The following COL15A1 variants were observed in gnomAD, a reference collection of about 807,000 sequenced individuals.
COL15A1 encodes collagen alpha-1(XV) chain.
Under a neutral mutation model 165.9 loss-of-function variants are expected in COL15A1, and 111 were observed. The ratio of observed to expected loss-of-function variants is 0.67; its 90% confidence interval spans 0.57 to 0.78. The LOEUF (loss-of-function observed/expected upper bound fraction) is 0.78. COL15A1 is among the 30% of genes least tolerant of loss of function. The pLI, the probability that COL15A1 is intolerant of heterozygous loss-of-function variation, is 0.00. For missense variants in COL15A1, 1,745 were observed against 1,789.7 expected (o/e 0.98, Z 0.45); for synonymous variants, 659 against 674.8 (o/e 0.98, Z 0.36).
intron 2 of COL15A1, among the ~76,000 whole-genome samples, chr9:98,974,972 C>T (rs548184245): frequency 6.6e-6 from 1 of 150,646 alleles, no homozygotes; most frequent in East Asian, 1.9e-4. Flanking sequence ...CTCAGACCTG[C>T]TCTCTTGGGT....
At chr9:98,950,409 T>C (rs1357251204) in intron 2 of COL15A1, among the ~76,000 whole-genome samples, 2 of 152,198 alleles carry the variant, frequency 1.3e-5, no homozygotes, top group Non-Finnish European at 2.9e-5. Flanking sequence ...ATTGTGGTTT[T>C]TATTTGCAAT....
intron 6 of COL15A1, among the ~76,000 whole-genome samples, chr9:98,998,962 A>G (rs1838597666): frequency 6.6e-6 from 1 of 152,192 alleles, no homozygotes; most frequent in African/African-American, 2.4e-5. Context: ...CACCATCGTG[A>G]CCCGTGGAAG....
chr9:98,966,785 A>T (rs550046872), intron 2 of COL15A1, among the ~76,000 whole-genome samples: 1 of 152,348 alleles, frequency 6.6e-6, no homozygotes, highest in South Asian at 2.1e-4. Flanking sequence ...CTGTGTGGTT[A>T]TTAATATTAT....
At chr9:99,012,537 G>A (rs967344263) in intron 9 of COL15A1, among the ~76,000 whole-genome samples, 3 of 152,112 alleles carry the variant, frequency 2.0e-5, no homozygotes, top group Non-Finnish European at 2.9e-5. Flanking sequence ...GTTGCAGATC[G>A]ACTTTTGGGC....
In COL15A1 at chr9:99,005,793, G is replaced by A. The variant is rs143821636; in HGVS notation, c.1353+743G>A. Among the ~76,000 whole-genome samples the A allele has an allele frequency of 2.0e-3, 310 of 152,144 alleles. 1 individual carries two copies. Among genetic ancestry groups the A allele is most frequent in the Middle Eastern group, 3.4e-3 (1 of 294 alleles). The stretch of plus-strand genomic sequence containing the variant: ...GCTGAGCCTGCCGTGTCCCCAGCCC[G>A]GGCAATTGCTAAGAGCCCTGTCTGG... On this transcript the variant is annotated intron_variant, in intron 9 of 41. Transcript: ENST00000375001.
intron 2 of COL15A1, among the ~76,000 whole-genome samples, chr9:98,966,397 C>T (rs1466593287): frequency 1.3e-5 from 2 of 152,200 alleles, no homozygotes; most frequent in East Asian, 1.9e-4. Flanking sequence ...GGGATCTTAC[C>T]GTTCTGCTCC....
At chr9:99,034,970 A>C in intron 17 of COL15A1, 44 bp from the exon 18 acceptor site, 2 of 1,568,434 alleles carry the variant, frequency 1.3e-6, no homozygotes, top group Non-Finnish European at 1.8e-6. Flanking sequence ...TCCTTCCATG[A>C]GTGAACCCAG....
intron 23 of COL15A1, 26 bp downstream of exon 23, chr9:99,040,582 A>G (rs1460537802): frequency 1.9e-6 from 3 of 1,614,060 alleles, no homozygotes; most frequent in African/African-American, 1.3e-5. Context: ...GCTGTCTTCT[A>G]TCTGTGCCCC....
At chr9:99,064,291 C>A (rs192484849) in intron 39 of COL15A1, among the ~76,000 whole-genome samples, 14 of 152,242 alleles carry the variant, frequency 9.2e-5, no homozygotes, top group African/African-American at 2.9e-4. Flanking sequence ...CCACTCCCAG[C>A]CCAATCAAGA....
In COL15A1 at chr9:99,070,553, A is replaced by G. The variant is rs766172113; in HGVS notation, c.*667A>G. On this transcript the variant is annotated 3_prime_UTR_variant, in exon 42 of 42. Transcript: ENST00000375001. Reference sequence around the variant, plus strand: ...AAAAGTTGAAACTCCAAATAATCTGAAACTAGAAAAGAAATAGCACATAAT... The same window carrying G: ...AAAAGTTGAAACTCCAAATAATCTGGAACTAGAAAAGAAATAGCACATAAT... 49 of 385,054 alleles carry G rather than the reference A, an allele frequency of 1.3e-4. No homozygotes were observed. Among genetic ancestry groups the G allele is most frequent in the Non-Finnish European group, 2.1e-4 (40 of 192,288 alleles). 23.9% of individuals were successfully genotyped at this position (385,054 alleles called of 1,614,324 possible).
At chr9:99,038,564 G>A (rs1386000105) in intron 21 of COL15A1, 104 bp from the exon 22 acceptor site, 6 of 730,366 alleles carry the variant, frequency 8.2e-6, no homozygotes, top group African/African-American at 1.7e-5. Flanking sequence ...CAGTGTCTGC[G>A]GTGTTCCGCT....
chr9:98,958,456 C>T (rs1236323484), intron 2 of COL15A1, among the ~76,000 whole-genome samples: 2 of 152,132 alleles, frequency 1.3e-5, no homozygotes, highest in African/African-American at 4.8e-5. Flanking sequence ...TACAGCTGCT[C>T]ATTCCCCCTG....
intron 16 of COL15A1, among the ~76,000 whole-genome samples, chr9:99,027,124 C>G (rs1375596113): frequency 6.6e-6 from 1 of 152,158 alleles, no homozygotes; most frequent in African/African-American, 2.4e-5. Context: ...TGCAGTGTTC[C>G]CAGCTTGATG....
rs745839000 is a variant in COL15A1 at position 99,056,422 on chromosome 9, T to C, written c.3337+18T>C. ...GGGAGCAGGTTAGTGCCGTAAACAG[T>C]GCCCTTGTTCATGCTGTCCCTACCA... On this transcript the variant is annotated intron_variant, in intron 35 of 41. Transcript: ENST00000375001. 9 of 1,594,454 alleles carry C rather than the reference T, an allele frequency of 5.6e-6. No individual in the cohort carries two copies. The highest frequency in any genetic ancestry group is 7.7e-6 in the Non-Finnish European group (9 of 1,172,496).
intron 16 of COL15A1, among the ~76,000 whole-genome samples, chr9:99,033,924 T>C (rs1462854450): frequency 6.6e-6 from 1 of 152,116 alleles, no homozygotes; most frequent in Non-Finnish European, 1.5e-5. Context: ...GGTCCTCTCC[T>C]CTGCTTGGAG....
chr9:98,949,851 T>C (rs1837650011), intron 2 of COL15A1, among the ~76,000 whole-genome samples: 2 of 152,230 alleles, frequency 1.3e-5, no homozygotes, highest in South Asian at 2.1e-4. Flanking sequence ...CATTCCCTCA[T>C]TTTCTCAGCT....
At position 99,000,808 on chromosome 9, in the gene COL15A1, T is replaced by C. The variant is rs113811857; in HGVS notation, c.953-31T>C. On this transcript the variant is annotated intron_variant, in intron 6 of 41. Transcript: ENST00000375001. ...TCTTTTCCAAGACTGCAAAATGTAG[T>C]TATTGATAGCAGAATGCCTGCTTCC... The C allele has an allele frequency of 1.2e-5, 12 of 1,015,780 alleles. No homozygotes were observed. The African/African-American group carries it at 1.4e-4, about 12-fold the overall frequency. The allele number at this position is 1,015,780 out of a possible 1,614,324, so 62.9% of individuals were successfully genotyped here.
intron 26 of COL15A1, among the ~76,000 whole-genome samples, chr9:99,045,452 C>T (rs1370969732): frequency 1.3e-5 from 2 of 152,192 alleles, no homozygotes; most frequent in Non-Finnish European, 2.9e-5. Flanking sequence ...ATATTAGGGC[C>T]CTTCTGGCCT....
chr9:98,956,756 C>G (rs546486099), intron 2 of COL15A1, among the ~76,000 whole-genome samples: 64 of 152,322 alleles, frequency 4.2e-4, no homozygotes, highest in African/African-American at 1.4e-3. Flanking sequence ...GTCCATGGAC[C>G]AGCAGCATCA....
Sources: allele counts gnomAD v4.1 joint callset (sites outside exome capture counted in the v4.1 genomes callset), GRCh38; gene constraint gnomAD v4.1.1; transcripts MANE v1.5; gene names NCBI Gene and HGNC (gene_info 2026-07-23, HGNC 2026-07-21).